The following CKAP2 variants were observed in gnomAD, a reference collection of about 807,000 sequenced individuals.
CKAP2 encodes cytoskeleton-associated protein 2.
Under a neutral mutation model 58.4 loss-of-function variants are expected in CKAP2, and 46 were observed. The ratio of observed to expected loss-of-function variants is 0.79; its 90% CI spans 0.62 to 1.01. The LOEUF (loss-of-function observed/expected upper bound fraction) is 1.01, where lower values mean the gene tolerates loss of function less well. Ranked by LOEUF, CKAP2 falls within the 50% of genes least tolerant of loss-of-function variation. CKAP2 has a pLI of 0.00. For missense variants in CKAP2, 809 were observed against 796.4 expected (o/e 1.02, Z -0.19); for synonymous variants, 293 against 280.9 (o/e 1.04, Z -0.43).
At chr13:52,464,445 C>T (rs1958632006) in intron 5 of CKAP2, among the ~76,000 whole-genome samples, 2 of 150,306 alleles carry the variant, frequency 1.3e-5, no homozygotes, top group South Asian at 2.1e-4. Context: ...CTCAGCTACT[C>T]AGAAGGCTGA....
intron 5 of CKAP2, among the ~76,000 whole-genome samples, chr13:52,463,762 A>G (rs943565866): frequency 1.3e-5 from 2 of 152,220 alleles, no homozygotes; most frequent in African/African-American, 4.8e-5. Flanking sequence ...TTTACTTCAG[A>G]GTCATCTGCC....
intron 2 of CKAP2, among the ~76,000 whole-genome samples, chr13:52,459,736 T>TA (rs1958540737): frequency 6.6e-6 from 1 of 152,212 alleles, no homozygotes; most frequent in Admixed American, 6.5e-5. Flanking sequence ...CCTATCGTTA[T>TA]AGTACACAAA....
Position 52,462,405 on chromosome 13 carries a change from A to C in CKAP2, c.1143A>C (p.Leu381=), listed in dbSNP as rs1958600276. The change falls in exon 5 of 9, where the codon CTA becomes CTC. Residue 381 remains leucine, a synonymous_variant. Transcript: ENST00000258607. ...SEWKAGKGRV[L]KRPPNSVVTQ... Reference sequence around the variant, plus strand: ...GGAAAGCTGGCAAAGGAAGAGTGCTAAAAAGGCCCCCTAATTCAGTAGTTA... The same window carrying C: ...GGAAAGCTGGCAAAGGAAGAGTGCTCAAAAGGCCCCCTAATTCAGTAGTTA... 2.5e-6 allele frequency: 4 copies of C among 1,613,962 alleles called. No individual in the cohort carries two copies. Among genetic ancestry groups the C allele is most frequent in the Non-Finnish European group, 3.4e-6 (4 of 1,179,914 alleles).
At chr13:52,466,968 G>A (rs1256079982) in intron 6 of CKAP2, among the ~76,000 whole-genome samples, 1 of 151,390 alleles carries the variant, frequency 6.6e-6, no homozygotes, top group East Asian at 1.9e-4. Context: ...TTTTTTTGGT[G>A]GTAGACAGTT....
chr13:52,473,694 A>G, intron 7 of CKAP2, 135 bp from the exon 8 acceptor site: 4 of 694,964 alleles, frequency 5.8e-6, no homozygotes, highest in African/African-American at 1.8e-5. Flanking sequence ...TTTGCTGAGG[A>G]AAAGGAATGG....
chr13:52,469,299 GTC>G (rs1415127218), intron 7 of CKAP2, among the ~76,000 whole-genome samples: 1 of 152,138 alleles, frequency 6.6e-6, no homozygotes, highest in Non-Finnish European at 1.5e-5. Flanking sequence ...AAGTTGCATT[GTC>G]TCTCTAGGCT....
chr13:52,456,539 A>T lies in CKAP2; in HGVS notation c.87A>T (p.Lys29Asn), dbSNP rs1958482954. The change falls in exon 2 of 9, where the codon AAA becomes AAT. Residue 29 changes from lysine (K) to asparagine (N), a missense_variant. Coordinates refer to ENST00000258607, the MANE Select transcript of CKAP2 (RefSeq NM_018204.5). The stretch of plus-strand genomic sequence containing the variant: ...GTTATCTAGAGCAAAGAAGACAAAA[A>T]CTCAAGGAACATCTGTTGAGAAGAA... ...QSAFKEQRRQ[K>N]LKEHLLRRKT... is the part of the protein sequence containing the mutation. The T allele has an allele frequency of 2.5e-6, 4 of 1,613,168 alleles. No homozygotes were observed. Among genetic ancestry groups the T allele is most frequent in the Non-Finnish European group, 3.4e-6 (4 of 1,179,634 alleles).
At chr13:52,474,822 G>A (rs1362590466) in intron 8 of CKAP2, 73 bp from the exon 9 acceptor site, 2 of 1,411,720 alleles carry the variant, frequency 1.4e-6, no homozygotes, top group Non-Finnish European at 1.9e-6. Flanking sequence ...ATATAGTATG[G>A]TACATATCAT....
intron 2 of CKAP2, among the ~76,000 whole-genome samples, chr13:52,460,267 C>T (rs1312110711): frequency 1.3e-5 from 2 of 152,124 alleles, no homozygotes; most frequent in Non-Finnish European, 2.9e-5. Context: ...CAATGTAGTA[C>T]ATCTGTTACT....
chr13:52,474,372 C>G (rs937457367), intron 8 of CKAP2, among the ~76,000 whole-genome samples: 1 of 151,852 alleles, frequency 6.6e-6, no homozygotes, highest in South Asian at 2.1e-4. Context: ...GCCTGTAGTC[C>G]CAGCTACCTG....
Position 52,476,186 on chromosome 13 carries a change from A to C in CKAP2, c.*1045A>C, listed in dbSNP as rs1958826347. The C allele has an allele frequency of 6.6e-6, 1 of 152,218 alleles. No homozygotes were observed. The highest frequency in any genetic ancestry group is 2.4e-5 in the African/African-American group (1 of 41,468). The allele number at this position is 152,218 out of a possible 1,614,324, so 9.4% of individuals were successfully genotyped here. On this transcript the variant is annotated 3_prime_UTR_variant, in exon 9 of 9. Coordinates refer to ENST00000258607, the MANE Select transcript of CKAP2 (RefSeq NM_018204.5). The stretch of plus-strand genomic sequence containing the variant: ...AAATAAATGACTTTTTAATTGTAAA[A>C]GATTAGTTGAAAAACTGTATGAATG...
At chr13:52,470,912 C>A (rs895814805) in intron 7 of CKAP2, among the ~76,000 whole-genome samples, 5 of 152,122 alleles carry the variant, frequency 3.3e-5, no homozygotes, top group Non-Finnish European at 7.4e-5. Flanking sequence ...GTAATCCCAG[C>A]ACTTTGGGAG....
At position 52,461,488 on chromosome 13, in the gene CKAP2, ACAC is replaced by A. The variant is rs774475801; in HGVS notation, c.665_667del (p.Thr222del). Reference sequence around the variant, plus strand: ...AAAGCCACAAAACCTCAGCCTGTAAACACCAGCAGTGTAACAGTGAAAAGTAAT... The same window carrying A: ...AAAGCCACAAAACCTCAGCCTGTAAACAGCAGTGTAACAGTGAAAAGTAAT... On this transcript the variant is annotated inframe_deletion, in exon 4 of 9. Transcript: ENST00000258607. 28 of 1,614,166 alleles carry A rather than the reference ACAC, an allele frequency of 1.7e-5. No homozygotes were observed. The highest frequency in any genetic ancestry group is 2.4e-5 in the Non-Finnish European group (28 of 1,180,040).
intron 5 of CKAP2, among the ~76,000 whole-genome samples, chr13:52,463,490 C>T (rs989706872): frequency 3.3e-5 from 5 of 152,008 alleles, no homozygotes; most frequent in African/African-American, 1.2e-4. Context: ...AAAAAAGACA[C>T]ATTAATACAG....
In CKAP2 at chr13:52,461,545, A is replaced by G; in HGVS notation, c.719A>G (p.Lys240Arg). The change falls in exon 4 of 9, where the codon AAA becomes AGA. Residue 240 changes from lysine (K) to arginine (R), a missense_variant. Transcript: ENST00000258607. Reference sequence around the variant, plus strand: ...TCCTCCAATATGACTGCCACTACTAAATTTGTGAGCACTACATCTCAGAAC... The same window carrying G: ...TCCTCCAATATGACTGCCACTACTAGATTTGTGAGCACTACATCTCAGAAC... ...NRSSNMTATT[K>R]FVSTTSQNTQ... 1 of 1,614,156 alleles carries G rather than the reference A, an allele frequency of 6.2e-7. No individual in the cohort carries two copies. Among genetic ancestry groups the G allele is most frequent in the Non-Finnish European group, 8.5e-7 (1 of 1,180,018 alleles).
chr13:52,466,247 G>C (rs892400726), intron 6 of CKAP2, among the ~76,000 whole-genome samples: 2 of 152,040 alleles, frequency 1.3e-5, no homozygotes, highest in Non-Finnish European at 2.9e-5. Context: ...TTGGGTTTTT[G>C]TTTTTATGGA....
rs1958797210 is a variant in CKAP2 at position 52,474,140 on chromosome 13, G to A, written c.1802+56G>A. Reference sequence around the variant, plus strand: ...TTCATGCTTGGAGATAATAAATAACGGCATTTAAAAATCTTTGAGATAGCT... The same window carrying A: ...TTCATGCTTGGAGATAATAAATAACAGCATTTAAAAATCTTTGAGATAGCT... On this transcript the variant is annotated intron_variant, in intron 8 of 8. Transcript: ENST00000258607. 1.1e-5 allele frequency: 17 copies of A among 1,512,994 alleles called. No individual in the cohort carries two copies. The Admixed American group carries it at 2.2e-4, about 20-fold the overall frequency. The allele number at this position is 1,512,994 out of a possible 1,614,324, so 93.7% of individuals were successfully genotyped here.
chr13:52,474,802 C>A, intron 8 of CKAP2, 93 bp from the exon 9 acceptor site: 1 of 1,231,574 alleles, frequency 8.1e-7, no homozygotes, highest in Non-Finnish European at 1.1e-6. Context: ...CTGCTTATAA[C>A]ATACAAGCTA....
chr13:52,465,239 T>C, intron 5 of CKAP2, 56 bp from the exon 6 acceptor site: 1 of 1,460,772 alleles, frequency 6.8e-7, no homozygotes, highest in Middle Eastern at 2.5e-4. Context: ...GGCTCAATTA[T>C]TGTTCCCACT....
Sources: gnomAD v4.1 joint callset for allele counts (sites outside exome capture counted in the v4.1 genomes callset) on GRCh38, gnomAD v4.1.1 for gene constraint, MANE v1.5 for transcripts, NCBI Gene and HGNC (gene_info 2026-07-23, HGNC 2026-07-21) for gene names.